MGAT4A: variants seen among roughly 807,000 people sequenced by gnomAD.
MGAT4A encodes N-acetylglucosaminyltransferase IVa.
In MGAT4A, 33 loss-of-function variants were observed where a neutral mutation model predicts 74.1. The observed-to-expected ratio is 0.45, with a 90% CI of 0.34 to 0.60. The LOEUF (loss-of-function observed/expected upper bound fraction) is 0.60. Among genes scored for constraint, MGAT4A ranks in the 20% least tolerant of loss-of-function variants. The pLI is 0.02. For missense variants in MGAT4A, 479 were observed against 628.3 expected, an observed-to-expected ratio of 0.76 and a Z score of 2.54; for synonymous variants, 198 against 210.4, an observed-to-expected ratio of 0.94 and a Z score of 0.51.
chr2:98,659,689 TTCTC>T (rs1489451011), intron 5 of MGAT4A, among the ~76,000 whole-genome samples: 4 of 152,210 alleles, frequency 2.6e-5, no homozygotes, highest in Non-Finnish European at 5.9e-5. Flanking sequence ...GATTCTCATT[TTCTC>T]TCTTGTCTGT....
intron 2 of MGAT4A, among the ~76,000 whole-genome samples, chr2:98,708,997 G>A (rs1378046727): frequency 6.6e-6 from 1 of 152,218 alleles, no homozygotes; most frequent in Non-Finnish European, 1.5e-5. Context: ...CATTCCCTGA[G>A]AGCCGATTCA....
At chr2:98,685,004 G>A (rs972287989) in intron 2 of MGAT4A, among the ~76,000 whole-genome samples, 2 of 152,178 alleles carry the variant, frequency 1.3e-5, no homozygotes, top group Non-Finnish European at 2.9e-5. Flanking sequence ...TGGGAGGCCA[G>A]GGCAGGAGGA....
At chr2:98,627,275 A>G (rs149842333) in intron 14 of MGAT4A, among the ~76,000 whole-genome samples, 3 of 152,328 alleles carry the variant, frequency 2.0e-5, no homozygotes, top group Non-Finnish European at 4.4e-5. Context: ...CATTAAAATG[A>G]TTTGACTGCA....
At chr2:98,656,510 T>A (rs1489468586) in intron 6 of MGAT4A, 45 bp from the exon 7 acceptor site, 1 of 1,312,344 alleles carries the variant, frequency 7.6e-7, no homozygotes, top group Non-Finnish European at 1.1e-6. Flanking sequence ...CTGTGGGATT[T>A]TATTTATCTT....
At chr2:98,631,019 C>T (rs1245737602) in intron 14 of MGAT4A, among the ~76,000 whole-genome samples, 1 of 152,198 alleles carries the variant, frequency 6.6e-6, no homozygotes, top group African/African-American at 2.4e-5. Context: ...GGGCTACAGC[C>T]GTGGCTCCCC....
Position 98,621,775 on chromosome 2 carries a change from A to G in MGAT4A, c.*3791T>C. On this transcript the variant is annotated 3_prime_UTR_variant, in exon 16 of 16. Transcript: ENST00000393487. ...TTGAGGGACAGCACTGTTGGGAGACAACCTCTTTTTCATTATTATGATAGA... is the reference window on the plus strand; with the variant it reads ...TTGAGGGACAGCACTGTTGGGAGACGACCTCTTTTTCATTATTATGATAGA... The G allele has an allele frequency of 8.7e-7, 1 of 1,144,396 alleles. No homozygotes were observed. The highest frequency in any genetic ancestry group is 1.1e-6 in the Non-Finnish European group (1 of 933,212). The allele number at this position is 1,144,396 out of a possible 1,614,324, so 70.9% of individuals were successfully genotyped here. A position where few individuals can be genotyped will look rare whatever the true frequency, so the allele number is the denominator to read the frequency against.
At chr2:98,704,265 C>T (rs1358961860) in intron 2 of MGAT4A, among the ~76,000 whole-genome samples, 1 of 152,192 alleles carries the variant, frequency 6.6e-6, no homozygotes, top group Non-Finnish European at 1.5e-5. Flanking sequence ...TGTAAAAGCT[C>T]TATGTAAGCA....
chr2:98,623,499 C>G lies in MGAT4A; in HGVS notation c.*2067G>C, dbSNP rs546072628. ...AGTAATTTAGTATACCAAGCTGGTG[C>G]CAAAATTTTATGACAAAAGGTTATT... On this transcript the variant is annotated 3_prime_UTR_variant, in exon 16 of 16. Coordinates refer to ENST00000393487, the MANE Select transcript of MGAT4A (RefSeq NM_012214.3). 10 of 985,262 alleles carry G rather than the reference C, an allele frequency of 1.0e-5. No homozygotes were observed. In the South Asian group the frequency reaches 4.7e-4, roughly 46 times the overall value. The allele number at this position is 985,262 out of a possible 1,614,324, so 61.0% of individuals were successfully genotyped here. A position where few individuals can be genotyped will look rare whatever the true frequency, so the allele number is the denominator to read the frequency against.
chr2:98,679,853 C>T (rs1702033667), intron 2 of MGAT4A, among the ~76,000 whole-genome samples: 1 of 152,114 alleles, frequency 6.6e-6, no homozygotes, highest in South Asian at 2.1e-4. Context: ...TGGACAGCAA[C>T]ACCTGAGAGA....
intron 1 of MGAT4A, 98 bp from the exon 2 acceptor site, chr2:98,726,665 C>T (rs2104340435): frequency 3.5e-6 from 1 of 284,110 alleles, no homozygotes; most frequent in East Asian, 6.0e-5. Flanking sequence ...TTTGGCAGGG[C>T]TAAATTGCAT....
intron 3 of MGAT4A, among the ~76,000 whole-genome samples, chr2:98,678,047 G>T (rs1381623009): frequency 6.7e-6 from 1 of 150,086 alleles, no homozygotes; most frequent in East Asian, 1.9e-4. Flanking sequence ...GGCTAACATC[G>T]TGAAACCCCG....
intron 6 of MGAT4A, among the ~76,000 whole-genome samples, chr2:98,656,887 A>G (rs1015160882): frequency 2.6e-5 from 4 of 152,336 alleles, no homozygotes; most frequent in African/African-American, 9.6e-5. Flanking sequence ...TACATCTTCA[A>G]GAAGCTTTGC....
chr2:98,731,121 G>T lies in MGAT4A; in HGVS notation c.-309C>A, dbSNP rs1175643181. On this transcript the variant is annotated 5_prime_UTR_variant, in exon 1 of 16. Transcript: ENST00000393487. The surrounding 1 kb of genome is among the most constrained non-coding windows in gnomAD (Gnocchi z 4.8). ...AGCCGCCGCCGCCGCTGCCGCCGCC[G>T]CTGCGGGCCGCCCCGCCCGCCCCGC... 8.6e-6 allele frequency: 1 copy of T among 116,068 alleles called. No homozygotes were observed. The highest frequency in any genetic ancestry group is 1.7e-5 in the Non-Finnish European group (1 of 57,914). 7.2% of individuals were successfully genotyped at this position (116,068 alleles called of 1,614,324 possible). A position where few individuals can be genotyped will look rare whatever the true frequency, so the allele number is the denominator to read the frequency against.
At chr2:98,727,891 G>T (rs1702789033) in intron 1 of MGAT4A, among the ~76,000 whole-genome samples, 1 of 152,094 alleles carries the variant, frequency 6.6e-6, no homozygotes, top group Admixed American at 6.6e-5. Context: ...TTCCTATGAG[G>T]CAGGCATTAT....
chr2:98,659,051 T>C (rs1701705956), intron 5 of MGAT4A, among the ~76,000 whole-genome samples: 2 of 152,202 alleles, frequency 1.3e-5, no homozygotes. Context: ...CAAGTTCAGA[T>C]CTAACCCAGC....
At chr2:98,696,627 C>T (rs1297268509) in intron 2 of MGAT4A, among the ~76,000 whole-genome samples, 1 of 152,206 alleles carries the variant, frequency 6.6e-6, no homozygotes, top group East Asian at 1.9e-4. Flanking sequence ...AAAGTTTAGT[C>T]CTTTTCCATG....
intron 10 of MGAT4A, among the ~76,000 whole-genome samples, chr2:98,640,539 G>C (rs986479678): frequency 6.6e-6 from 1 of 152,100 alleles, no homozygotes; most frequent in Non-Finnish European, 1.5e-5. Context: ...AGGAGGCAGA[G>C]GTTGCAGTGA....
chr2:98,623,766 G>C lies in MGAT4A; in HGVS notation c.*1800C>G. ...ACTGTATCAGTGTTTCCAAACGTTT[G>C]CACTTTGTAACACAGCACAGGAAAT... On this transcript the variant is annotated 3_prime_UTR_variant, in exon 16 of 16. Coordinates refer to ENST00000393487, the MANE Select transcript of MGAT4A (RefSeq NM_012214.3). 1.0e-6 allele frequency: 1 copy of C among 985,398 alleles called. No individual in the cohort carries two copies. 61.0% of individuals were successfully genotyped at this position (985,398 alleles called of 1,614,324 possible).
chr2:98,689,525 G>C (rs1409061126), intron 2 of MGAT4A, among the ~76,000 whole-genome samples: 1 of 152,106 alleles, frequency 6.6e-6, no homozygotes, highest in Non-Finnish European at 1.5e-5. Context: ...TATAAACCCA[G>C]ATATTATAAA....
Sources: allele counts gnomAD v4.1 joint callset (sites outside exome capture counted in the v4.1 genomes callset), GRCh38; gene constraint gnomAD v4.1.1; non-coding constraint Gnocchi (gnomAD v3.1); transcripts MANE v1.5; gene names NCBI Gene and HGNC (gene_info 2026-07-23, HGNC 2026-07-21).